Variants in ATP11B observed in about 807,000 individuals in gnomAD.
The protein encoded by ATP11B is ATPase phospholipid transporting 11B (putative).
A neutral mutation model predicts 157.8 loss-of-function variants in ATP11B; 81 were observed. That is an observed-to-expected ratio of 0.51 (90% CI 0.43 to 0.62). The LOEUF is 0.62. ATP11B is among the 20% of genes least tolerant of loss of function. The probability of loss-of-function intolerance (pLI) is 0.00; values close to 1 mark genes in which losing one functional copy is unlikely to be tolerated. For missense variants in ATP11B, 1,165 were observed against 1,402.2 expected (o/e 0.83, Z 2.70); for synonymous variants, 451 against 469.4 (o/e 0.96, Z 0.51).
chr3:182,903,833 C>T (rs1210983742), intron 28 of ATP11B, among the ~76,000 whole-genome samples: 1 of 152,126 alleles, frequency 6.6e-6, no homozygotes, highest in Non-Finnish European at 1.5e-5. Context: ...ACACTCTGGC[C>T]AACTGTTTTG....
chr3:182,889,268 T>G (rs1723008892), intron 24 of ATP11B, 142 bp from the exon 25 acceptor site: 17 of 605,652 alleles, frequency 2.8e-5, no homozygotes, highest in Admixed American at 7.5e-5. Flanking sequence ...AATTTGGATT[T>G]ATTTATTCTT....
rs190436455 is a variant in ATP11B, at chr3:182,873,942, A to T, written c.2179A>T (p.Met727Leu). ...ATCATGTGGCCATTTTCATAGAACCATGAACATCCTTGAACTTATAAACCA... is the reference window on the plus strand; with the variant it reads ...ATCATGTGGCCATTTTCATAGAACCTTGAACATCCTTGAACTTATAAACCA... ...SLSCGHFHRTMNILELINQKS... is the reference protein window; with the variant it reads ...SLSCGHFHRTLNILELINQKS... The change falls in exon 19 of 30, where the codon ATG becomes TTG. Residue 727 changes from methionine (M) to leucine (L), a missense_variant. Physicochemically the swap from Met to Leu is conservative, Grantham distance 15. This residue lies in a region of ATP11B where 737 missense variants were observed against 930.5 expected (regional missense o/e 0.79). Transcript: ENST00000323116. 5 of 1,614,046 alleles carry T rather than the reference A, an allele frequency of 3.1e-6. No individual in the cohort carries two copies. In the East Asian group the frequency reaches 8.9e-5, roughly 29 times the overall value.
chr3:182,836,508 C>A, intron 6 of ATP11B, 38 bp downstream of exon 6: 1 of 1,612,346 alleles, frequency 6.2e-7, no homozygotes, highest in South Asian at 1.1e-5. Flanking sequence ...TCTTGGTGAA[C>A]AAAGTGTCTT....
At chr3:182,853,047 A>G (rs1337592555) in intron 10 of ATP11B, among the ~76,000 whole-genome samples, 1 of 152,226 alleles carries the variant, frequency 6.6e-6, no homozygotes, top group Non-Finnish European at 1.5e-5. Context: ...ATTCAGTGCA[A>G]CAAGTTAAAG....
intron 26 of ATP11B, 34 bp downstream of exon 26, chr3:182,896,799 T>TCTAA: frequency 6.6e-7 from 1 of 1,524,152 alleles, no homozygotes; most frequent in Admixed American, 1.7e-5. Context: ...TGGACACATT[T>TCTAA]TGCAACTGTT....
At chr3:182,836,622 G>A (rs941357059) in intron 6 of ATP11B, 152 bp downstream of exon 6, 7 of 875,432 alleles carry the variant, frequency 8.0e-6, no homozygotes, top group African/African-American at 1.7e-5. Context: ...TTTTAAGAAA[G>A]AATTGATGTT....
rs372223959 is a variant in ATP11B at position 182,842,071 on chromosome 3, A to T, written c.657-4A>T. ...ATGTTTTTGTAATGTGAATTTTTTG[A>T]TAGATTCATGGGACGAATGATCATA... On this transcript the variant is annotated splice_polypyrimidine_tract_variant and splice_region_variant and intron_variant, in intron 7 of 29. Transcript: ENST00000323116. 359 of 1,578,436 alleles carry T rather than the reference A, an allele frequency of 2.3e-4. No individual in the cohort carries two copies. Among genetic ancestry groups the T allele is most frequent in the Non-Finnish European group, 3.0e-4 (352 of 1,154,954 alleles).
At chr3:182,815,831 C>T (rs578010259) in intron 1 of ATP11B, among the ~76,000 whole-genome samples, 2 of 152,262 alleles carry the variant, frequency 1.3e-5, no homozygotes, top group African/African-American at 4.8e-5. Context: ...ACTTGTAATG[C>T]TTATAAAATC....
intron 28 of ATP11B, among the ~76,000 whole-genome samples, chr3:182,900,648 C>T (rs1299653012): frequency 6.6e-6 from 1 of 152,058 alleles, no homozygotes; most frequent in Non-Finnish European, 1.5e-5. Context: ...AGGCTTTGTC[C>T]ATTATACTTA....
In ATP11B at chr3:182,831,502, A is replaced by G. The variant is rs565290420; in HGVS notation, c.315+1750A>G. Among the ~76,000 whole-genome samples the G allele has an allele frequency of 2.3e-4, 35 of 152,154 alleles. No homozygotes were observed. In the East Asian group the frequency reaches 2.7e-3, roughly 12 times the overall value. On this transcript the variant is annotated intron_variant, in intron 4 of 29. Coordinates refer to ENST00000323116, the MANE Select transcript of ATP11B (RefSeq NM_014616.3). ...TTTGCATCACCACTTTGACCAAAAC[A>G]TGTCTTTTCAGTGATCTACAAAGAC...
At chr3:182,805,927 C>T (rs958637447) in intron 1 of ATP11B, among the ~76,000 whole-genome samples, 3 of 152,104 alleles carry the variant, frequency 2.0e-5, no homozygotes, top group African/African-American at 7.2e-5. Context: ...TGTTTTTTAG[C>T]ATTAGTTTTT....
chr3:182,852,779 G>T (rs915407102), intron 10 of ATP11B, among the ~76,000 whole-genome samples: 1 of 152,048 alleles, frequency 6.6e-6, no homozygotes, highest in Non-Finnish European at 1.5e-5. Context: ...TGTGACTTTG[G>T]GTTAAGTAAA....
At position 182,865,718 on chromosome 3, in the gene ATP11B, A is replaced by T; in HGVS notation, c.1443+20A>T. 1 of 1,574,890 alleles carries T rather than the reference A, an allele frequency of 6.3e-7. No individual in the cohort carries two copies. Among genetic ancestry groups the T allele is most frequent in the Non-Finnish European group, 8.6e-7 (1 of 1,159,732 alleles). ...GAACTAGTAAGTAATTTTTAAATTA[A>T]TAAATAAGGGTTTCATATGAAATAA... On this transcript the variant is annotated intron_variant, in intron 13 of 29. Transcript: ENST00000323116.
At chr3:182,902,511 G>A (rs1409507576) in intron 28 of ATP11B, 8 of 1,289,140 alleles carry the variant, frequency 6.2e-6, no homozygotes, top group East Asian at 5.5e-5. Flanking sequence ...TTTAAGTGAC[G>A]AGTTCATCGC....
At chr3:182,890,335 G>A (rs1217113538) in intron 25 of ATP11B, among the ~76,000 whole-genome samples, 1 of 152,188 alleles carries the variant, frequency 6.6e-6, no homozygotes, top group African/African-American at 2.4e-5. Flanking sequence ...TGCAAAATAT[G>A]TTTGGAGATA....
chr3:182,849,259 T>A (rs1170076676), intron 10 of ATP11B, among the ~76,000 whole-genome samples: 1 of 152,206 alleles, frequency 6.6e-6, no homozygotes, highest in Non-Finnish European at 1.5e-5. Context: ...GCCCATTGCA[T>A]TGGAGACACA....
intron 25 of ATP11B, among the ~76,000 whole-genome samples, chr3:182,891,648 A>T (rs1215175216): frequency 6.6e-6 from 1 of 152,214 alleles, no homozygotes; most frequent in Non-Finnish European, 1.5e-5. Context: ...AATCTTGAAC[A>T]TTCTTTATAC....
At chr3:182,840,205 T>G (rs1189121352) in intron 7 of ATP11B, among the ~76,000 whole-genome samples, 1 of 152,210 alleles carries the variant, frequency 6.6e-6, no homozygotes, top group African/African-American at 2.4e-5. Flanking sequence ...TTCTCCTCTT[T>G]GATACAATTT....
intron 17 of ATP11B, among the ~76,000 whole-genome samples, 185 bp from the exon 18 acceptor site, chr3:182,872,171 A>G (rs984454142): frequency 3.3e-5 from 5 of 152,220 alleles, no homozygotes; most frequent in African/African-American, 7.2e-5. Flanking sequence ...TATGTGTCCC[A>G]TAACTCAGAT....
Sources: gnomAD v4.1 joint callset for allele counts (sites outside exome capture counted in the v4.1 genomes callset) on GRCh38, gnomAD v4.1.1 for gene constraint, gnomAD v4.1.1 regional missense constraint, MANE v1.5 for transcripts, NCBI Gene and HGNC (gene_info 2026-07-23, HGNC 2026-07-21) for gene names.